Variants in SCTR observed in about 807,000 individuals in gnomAD.
The protein encoded by SCTR is secretin receptor, also known as pancreatic secretin receptor.
A neutral mutation model predicts 60.8 loss-of-function variants in SCTR; 56 were observed. That is an observed-to-expected ratio of 0.92 (90% CI 0.74 to 1.15). SCTR has a LOEUF of 1.15. SCTR is among the 50% of genes most tolerant of loss of function. The pLI, the probability that SCTR is intolerant of heterozygous loss-of-function variation, is 0.00. For synonymous variants in SCTR, 202 were observed against 217.0 expected (o/e 0.93, Z 0.61); for missense variants, 562 against 550.4 (o/e 1.02, Z -0.21).
intron 1 of SCTR, among the ~76,000 whole-genome samples, chr2:119,502,378 G>C (rs558031850): frequency 6.6e-6 from 1 of 152,222 alleles, no homozygotes; most frequent in Non-Finnish European, 1.5e-5. Flanking sequence ...GGAATCAGAA[G>C]TCTAAATAAA....
chr2:119,476,281 A>G (rs1425887055), intron 3 of SCTR, among the ~76,000 whole-genome samples: 1 of 152,176 alleles, frequency 6.6e-6, no homozygotes, highest in Non-Finnish European at 1.5e-5. Flanking sequence ...AATTGAGGCC[A>G]GACAGCTGTT....
intron 1 of SCTR, among the ~76,000 whole-genome samples, chr2:119,510,535 G>C (rs369964237): frequency 6.6e-6 from 1 of 152,106 alleles, no homozygotes; most frequent in Non-Finnish European, 1.5e-5. Context: ...CTAGAGAAGA[G>C]GGGGAGAGGC....
chr2:119,510,285 A>G (rs1678890287), intron 1 of SCTR, among the ~76,000 whole-genome samples: 1 of 152,130 alleles, frequency 6.6e-6, no homozygotes, highest in Non-Finnish European at 1.5e-5. Context: ...ACAAGCCAAG[A>G]TAATGTGGGG....
chr2:119,496,010 T>C (rs1013443642), intron 1 of SCTR, among the ~76,000 whole-genome samples: 1 of 152,194 alleles, frequency 6.6e-6, no homozygotes, highest in Admixed American at 6.5e-5. Context: ...CCTAAGAATA[T>C]AGCAGTTGTC....
intron 1 of SCTR, among the ~76,000 whole-genome samples, chr2:119,522,696 G>A (rs1043654202): frequency 1.3e-5 from 2 of 152,220 alleles, no homozygotes; most frequent in Non-Finnish European, 2.9e-5. Context: ...CAGTCTCAGA[G>A]TCACTGCAAA....
intron 2 of SCTR, 165 bp from the exon 3 acceptor site, chr2:119,479,083 A>G: frequency 6.9e-7 from 1 of 1,450,168 alleles, no homozygotes. Flanking sequence ...TATCCTGTCT[A>G]ATGCACCCTT....
chr2:119,465,308 G>A (rs373233192), intron 5 of SCTR, among the ~76,000 whole-genome samples: 3 of 152,320 alleles, frequency 2.0e-5, no homozygotes, highest in Admixed American at 6.5e-5. Context: ...CCTCCCAGAG[G>A]ATGAGGCCAA....
At chr2:119,491,019 T>C (rs192601358) in intron 2 of SCTR, among the ~76,000 whole-genome samples, 12 of 152,220 alleles carry the variant, frequency 7.9e-5, no homozygotes, top group African/African-American at 2.9e-4. Flanking sequence ...TTTCTTCTCT[T>C]CCCTGTCTCG....
chr2:119,503,087 A>T (rs890408085), intron 1 of SCTR, among the ~76,000 whole-genome samples: 2 of 150,264 alleles, frequency 1.3e-5, no homozygotes, highest in African/African-American at 4.9e-5. Flanking sequence ...TGAACCTGGG[A>T]AGCAGAGCTT....
rs1257504341 is a variant in SCTR, at chr2:119,460,975, C to CGTT, written c.790+869_790+871dup. On this transcript the variant is annotated intron_variant, in intron 7 of 12. Transcript: ENST00000019103. The stretch of plus-strand genomic sequence containing the variant: ...CTGGATGGAGTCTCTTTCTTTCTCT[C>CGTT]GTTGGAGTTCGGTACAAGGAAGTCT... Among the ~76,000 whole-genome samples the CGTT allele has an allele frequency of 1.2e-4, 18 of 152,276 alleles. No homozygotes were observed. The East Asian group carries it at 3.5e-3, about 29-fold the overall frequency.
intron 6 of SCTR, among the ~76,000 whole-genome samples, chr2:119,463,863 AC>A (rs1288446167): frequency 6.6e-6 from 1 of 152,070 alleles, no homozygotes; most frequent in Non-Finnish European, 1.5e-5. Flanking sequence ...TCCTAGAGTG[AC>A]CAGTTCACTC....
At chr2:119,444,158 TATATACACATATGTATATATACATATGA>T (rs1481397907) in intron 11 of SCTR, among the ~76,000 whole-genome samples, 64 of 143,982 alleles carry the variant, frequency 4.4e-4, no homozygotes, top group African/African-American at 1.7e-3. Context: ...TTCTTATATA[TATATACACATATGTATATATACATATGA>T]ATATATACAC....
intron 9 of SCTR, 69 bp downstream of exon 9, chr2:119,451,941 C>CAA (rs1683186313): frequency 1.0e-6 from 1 of 954,012 alleles, no homozygotes; most frequent in Non-Finnish European, 1.7e-6. Flanking sequence ...CCACCCTCTG[C>CAA]CCCTGTGGGC....
intron 4 of SCTR, among the ~76,000 whole-genome samples, chr2:119,467,900 T>G (rs534858564): frequency 6.6e-6 from 1 of 152,344 alleles, no homozygotes; most frequent in African/African-American, 2.4e-5. Flanking sequence ...AAAAACATAT[T>G]AGGGAATTAT....
chr2:119,478,929 A>C lies in SCTR; in HGVS notation c.194-11T>G. 1 of 1,614,006 alleles carries C rather than the reference A, an allele frequency of 6.2e-7. No homozygotes were observed. The highest frequency in any genetic ancestry group is 8.5e-7 in the Non-Finnish European group (1 of 1,179,928). ...ACATCCCCTCACAACCTGCCAAGAA[A>C]AGCAGCATCAGACAAGGATGGGGGA... On this transcript the variant is annotated splice_polypyrimidine_tract_variant and intron_variant, in intron 2 of 12. Transcript: ENST00000019103.
intron 2 of SCTR, among the ~76,000 whole-genome samples, chr2:119,480,972 T>G (rs1439382083): frequency 1.3e-5 from 2 of 152,156 alleles, no homozygotes; most frequent in African/African-American, 4.8e-5. Flanking sequence ...CTTGCTTATC[T>G]CTTGTGGGAG....
At chr2:119,454,220 G>C (rs59763357) in intron 7 of SCTR, among the ~76,000 whole-genome samples, 22,385 of 152,116 alleles carry the variant, frequency 0.15, 1,838 homozygotes, top group East Asian at 0.31. Flanking sequence ...CAGGGCACCC[G>C]GTACCCAGGA....
intron 1 of SCTR, among the ~76,000 whole-genome samples, chr2:119,508,560 A>G (rs780913424): frequency 6.6e-6 from 1 of 150,780 alleles, no homozygotes; most frequent in African/African-American, 2.4e-5. Flanking sequence ...CTAATTTTGT[A>G]TTTTTTTGGT....
intron 2 of SCTR, among the ~76,000 whole-genome samples, chr2:119,488,569 T>C (rs927886825): frequency 6.6e-6 from 1 of 152,300 alleles, no homozygotes; most frequent in East Asian, 1.9e-4. Context: ...AATTGAGACA[T>C]GGACGTGGGT....
Sources: gnomAD v4.1 joint callset for allele counts (sites outside exome capture counted in the v4.1 genomes callset) on GRCh38, gnomAD v4.1.1 for gene constraint, MANE v1.5 for transcripts, NCBI Gene and HGNC (gene_info 2026-07-23, HGNC 2026-07-21) for gene names.